MKLN1: variants seen among roughly 807,000 people sequenced by gnomAD.
The protein encoded by MKLN1 is muskelin 1.
MKLN1 carries 18 observed loss-of-function variants against 99.0 expected under a neutral mutation model. The observed-to-expected ratio is 0.18, with a 90% CI of 0.13 to 0.27. The LOEUF is 0.27. Ranked by LOEUF, MKLN1 falls within the 10% of genes least tolerant of loss-of-function variation. The pLI, the probability that MKLN1 is intolerant of heterozygous loss-of-function variation, is 1.00. For missense variants in MKLN1, 621 were observed against 875.9 expected (o/e 0.71, Z 3.67); for synonymous variants, 288 against 293.2 (o/e 0.98, Z 0.18).
chr7:131,336,111 C>T (rs79640706), intron 1 of MKLN1, among the ~76,000 whole-genome samples: 3,114 of 151,902 alleles, frequency 0.021, 41 homozygotes, highest in Non-Finnish European at 0.032. Flanking sequence ...AAGAACTAAA[C>T]TGTATGCTTT....
chr7:131,256,637 A>G (rs1428659159), intron 3 of MKLN1, among the ~76,000 whole-genome samples: 2 of 152,244 alleles, frequency 1.3e-5, no homozygotes, highest in African/African-American at 4.8e-5. Flanking sequence ...TGAGAAAAGA[A>G]TGAAATCATG....
Position 131,253,852 on chromosome 7 carries a change from G to A in MKLN1, c.-179+50878G>A, listed in dbSNP as rs560612689. On this transcript the variant is annotated intron_variant, in intron 3 of 7. Coordinates refer to the MKLN1 transcript ENST00000416992. Reference sequence around the variant, plus strand: ...TAAGAAGAAGCTGGTAGCTCAATGTGCGCAACAAGCTAAACTGTAGGCTGA... The same window carrying A: ...TAAGAAGAAGCTGGTAGCTCAATGTACGCAACAAGCTAAACTGTAGGCTGA... 2.6e-5 allele frequency among the ~76,000 whole-genome samples: 4 copies of A among 152,338 alleles called. 1 individual carries two copies. In the South Asian group the frequency reaches 8.3e-4, roughly 32 times the overall value.
Position 131,487,702 on chromosome 7 carries a change from A to G in MKLN1, c.2182A>G (p.Asn728Asp). ...FPDSMTPPKG[N>D]LVDLITL ...TGACAGCATGACTCCTCCTAAAGGC[A>G]ACCTGGTAGACCTCATCACACTGTA... Residue 728 changes from asparagine to aspartate, a missense_variant, in exon 18 of 18, where the codon AAC becomes GAC. Around this residue, in one of 8 missense-constraint regions of MKLN1, gnomAD observed 126 missense variants for 157.4 expected, o/e 0.80. Coordinates refer to ENST00000352689, the MANE Select transcript of MKLN1 (RefSeq NM_013255.5). The surrounding 1 kb of genome is among the most constrained non-coding windows in gnomAD (Gnocchi z 4.7). 6.2e-7 allele frequency: 1 copy of G among 1,613,138 alleles called. No homozygotes were observed. Among genetic ancestry groups the G allele is most frequent in the Non-Finnish European group, 8.5e-7 (1 of 1,179,354 alleles).
chr7:131,395,126 G>T (rs921358666), intron 4 of MKLN1, among the ~76,000 whole-genome samples: 2 of 151,990 alleles, frequency 1.3e-5, no homozygotes, highest in African/African-American at 2.4e-5. Flanking sequence ...TTGAAAGCTT[G>T]GTTTTTATCC....
At chr7:131,245,487 C>T (rs188183719) in intron 3 of MKLN1, among the ~76,000 whole-genome samples, 44 of 152,264 alleles carry the variant, frequency 2.9e-4, no homozygotes, top group South Asian at 2.1e-4. Flanking sequence ...AGGCTGGTCT[C>T]GAATTCCTGC....
chr7:131,388,053 T>C (rs750861104), intron 3 of MKLN1, among the ~76,000 whole-genome samples: 1 of 151,900 alleles, frequency 6.6e-6, no homozygotes. Context: ...TGTAGTCCCA[T>C]CTACTTGGGA....
At chr7:131,183,652 C>T (rs1305352408) in intron 2 of MKLN1, among the ~76,000 whole-genome samples, 1 of 152,118 alleles carries the variant, frequency 6.6e-6, no homozygotes, top group Admixed American at 6.5e-5. Context: ...TACCCAATGG[C>T]CTGAAAAATG....
chr7:131,353,903 TAA>T (rs35581656), intron 1 of MKLN1, among the ~76,000 whole-genome samples: 6 of 113,708 alleles, frequency 5.3e-5, no homozygotes, highest in African/African-American at 1.3e-4. Flanking sequence ...TGTACCTTTG[TAA>T]AAAAAAAAAA....
intron 8 of MKLN1, among the ~76,000 whole-genome samples, chr7:131,425,344 CACT>C (rs377710873): frequency 2.0e-3 from 297 of 152,004 alleles, no homozygotes; most frequent in African/African-American, 6.9e-3. Flanking sequence ...GGTCAAATAC[CACT>C]GTTACCATGA....
intron 3 of MKLN1, among the ~76,000 whole-genome samples, chr7:131,220,031 C>T (rs1797038317): frequency 6.6e-6 from 1 of 152,146 alleles, no homozygotes; most frequent in Non-Finnish European, 1.5e-5. Context: ...CCGACCTTCC[C>T]CCCTCACCTC....
rs529709353 is a variant in MKLN1 at position 131,399,807 on chromosome 7, A to G, written c.703+374A>G. Reference sequence around the variant, plus strand: ...GGGCTAGATAATAAAAAATGTTATTAGTAAACAATTATATATAAGGAACAA... The same window carrying G: ...GGGCTAGATAATAAAAAATGTTATTGGTAAACAATTATATATAAGGAACAA... On this transcript the variant is annotated intron_variant, in intron 6 of 17. Transcript: ENST00000352689. Among the ~76,000 whole-genome samples the G allele has an allele frequency of 5.3e-5, 8 of 152,220 alleles. No homozygotes were observed. In the South Asian group the frequency reaches 1.7e-3, roughly 31 times the overall value.
chr7:131,449,106 A>G (rs1584754973), intron 12 of MKLN1, among the ~76,000 whole-genome samples: 3 of 152,252 alleles, frequency 2.0e-5, no homozygotes, highest in East Asian at 1.9e-4. Context: ...TTGGGAAACC[A>G]TCTTTGAGGA....
At position 131,400,518 on chromosome 7, in the gene MKLN1, A is replaced by AATATATAT. The variant is rs56156009; in HGVS notation, c.703+1100_703+1107dup. On this transcript the variant is annotated intron_variant, in intron 6 of 17. Transcript: ENST00000352689. ...TTTAAAATGCTACCAATAAAAAAAAAATATATATATATATATATATATGCC... is the reference window on the plus strand; with the variant it reads ...TTTAAAATGCTACCAATAAAAAAAAAATATATATATATATATATATATATATATATGCC... 3.6e-3 allele frequency among the ~76,000 whole-genome samples: 489 copies of AATATATAT among 137,412 alleles called. 3 individuals are homozygous for AATATATAT. Among genetic ancestry groups the AATATATAT allele is most frequent in the Middle Eastern group, 0.012 (3 of 258 alleles). 90.1% of individuals were successfully genotyped at this position (137,412 alleles called of 152,430 possible).
At chr7:131,192,481 ATATAAATATATATAAT>A (rs1188079343) in intron 2 of MKLN1, among the ~76,000 whole-genome samples, 5 of 133,552 alleles carry the variant, frequency 3.7e-5, no homozygotes, top group African/African-American at 1.1e-4. Flanking sequence ...AATATACAAT[ATATAAATATATATAAT>A]ATATACACAT....
intron 2 of MKLN1, among the ~76,000 whole-genome samples, chr7:131,385,663 CT>C (rs1431220139): frequency 6.6e-6 from 1 of 152,036 alleles, no homozygotes; most frequent in Non-Finnish European, 1.5e-5. Context: ...CATTTGTTTA[CT>C]TTCTTTGGAG....
chr7:131,323,855 C>T (rs753881516), upstream of MKLN1: 106 of 152,240 alleles, frequency 7.0e-4, no homozygotes, highest in African/African-American at 2.5e-3. Flanking sequence ...ACCAGACCCT[C>T]GTATTACGTC....
chr7:131,136,838 A>G (rs925967660), intron 1 of MKLN1, among the ~76,000 whole-genome samples: 1 of 152,156 alleles, frequency 6.6e-6, no homozygotes, highest in Non-Finnish European at 1.5e-5. Flanking sequence ...GACCTTCTGC[A>G]GGAGGCCTTC....
intron 1 of MKLN1, among the ~76,000 whole-genome samples, chr7:131,116,121 T>C (rs927566190): frequency 6.6e-6 from 1 of 151,940 alleles, no homozygotes; most frequent in Non-Finnish European, 1.5e-5. Flanking sequence ...CTGACTAACA[T>C]GGTGAAACCC....
chr7:131,381,194 G>T (rs1337614574), intron 2 of MKLN1, among the ~76,000 whole-genome samples: 1 of 152,054 alleles, frequency 6.6e-6, no homozygotes, highest in East Asian at 1.9e-4. Flanking sequence ...GCTTATAATT[G>T]CAGTAAAGGA....
Sources: gnomAD v4.1 joint callset for allele counts (sites outside exome capture counted in the v4.1 genomes callset) on GRCh38, gnomAD v4.1.1 for gene constraint, gnomAD v4.1.1 regional missense constraint, Gnocchi (gnomAD v3.1) non-coding constraint, MANE v1.5 for transcripts, NCBI Gene and HGNC (gene_info 2026-07-23, HGNC 2026-07-21) for gene names.